Variants in ANKS1B observed in about 807,000 individuals in gnomAD.
The protein encoded by ANKS1B is ankyrin repeat and sterile alpha motif domain-containing protein 1B.
Under a neutral mutation model 148.3 loss-of-function variants are expected in ANKS1B, and 36 were observed. That is an observed-to-expected ratio of 0.24 (90% CI 0.19 to 0.32). The LOEUF is 0.32. Among genes scored for constraint, ANKS1B ranks in the 10% least tolerant of loss-of-function variants. ANKS1B has a pLI of 1.00. For synonymous variants in ANKS1B, 542 were observed against 560.8 expected (o/e 0.97, Z 0.47); for missense variants, 1,157 against 1,542.6 (o/e 0.75, Z 4.19).
intron 17 of ANKS1B, among the ~76,000 whole-genome samples, chr12:98,940,666 T>A (rs1027792822): frequency 6.6e-6 from 1 of 152,188 alleles, no homozygotes; most frequent in Non-Finnish European, 1.5e-5. Context: ...ATTTTTGTAT[T>A]CTTATGCAGG....
At position 99,382,715 on chromosome 12, in the gene ANKS1B, AAAAG is replaced by A. The variant is rs1178414411; in HGVS notation, c.1756+16912_1756+16915del. ...TCTGTATTAAAAAAAAAAAAAAAAAAAAAGAGAGAGAGAGAGAGAGCTTGCACAA... is the reference window on the plus strand; with the variant it reads ...TCTGTATTAAAAAAAAAAAAAAAAAAAGAGAGAGAGAGAGAGCTTGCACAA... On this transcript the variant is annotated intron_variant, in intron 12 of 26. Transcript: ENST00000683438. Among the ~76,000 whole-genome samples, 392 of 97,508 alleles carry A rather than the reference AAAAG, an allele frequency of 4.0e-3. 18 individuals are homozygous for A. The East Asian group carries it at 0.078, about 19-fold the overall frequency. The allele number at this position is 97,508 out of a possible 152,430, so 64.0% of individuals were successfully genotyped here.
chr12:99,431,503 T>A (rs563486793), intron 11 of ANKS1B, among the ~76,000 whole-genome samples: 63 of 152,354 alleles, frequency 4.1e-4, no homozygotes, highest in Admixed American at 3.6e-3. Context: ...GCATCACTAG[T>A]TGTGAAATAT....
intron 17 of ANKS1B, among the ~76,000 whole-genome samples, chr12:98,956,185 T>C (rs979761789): frequency 6.6e-6 from 1 of 152,172 alleles, no homozygotes; most frequent in Non-Finnish European, 1.5e-5. Context: ...GCAGTCACAC[T>C]TCATTCCTTC....
chr12:99,613,339 AATCCCATTG>A (rs2097918076), intron 9 of ANKS1B, among the ~76,000 whole-genome samples: 1 of 152,114 alleles, frequency 6.6e-6, no homozygotes, highest in Non-Finnish European at 1.5e-5. Context: ...TCAACCCAGC[AATCCCATTG>A]CTGGGTATAT....
At chr12:98,998,290 G>A (rs1410033568) in intron 17 of ANKS1B, among the ~76,000 whole-genome samples, 1 of 152,186 alleles carries the variant, frequency 6.6e-6, no homozygotes, top group Non-Finnish European at 1.5e-5. Context: ...TTTGGAGCCA[G>A]GGTGACTTAA....
At chr12:99,846,449 C>A (rs1355028033) in intron 1 of ANKS1B, among the ~76,000 whole-genome samples, 2 of 152,078 alleles carry the variant, frequency 1.3e-5, no homozygotes, top group Admixed American at 1.3e-4. Context: ...CCATCTTTAA[C>A]AAAACATAAC....
chr12:99,762,361 C>T (rs573567086), intron 8 of ANKS1B, among the ~76,000 whole-genome samples: 13 of 151,562 alleles, frequency 8.6e-5, no homozygotes, highest in African/African-American at 2.9e-4. Context: ...AACAAAGGAA[C>T]AGAATAGAGA....
chr12:99,002,937 T>C (rs188144150), intron 17 of ANKS1B, among the ~76,000 whole-genome samples: 8 of 152,344 alleles, frequency 5.3e-5, no homozygotes, highest in Non-Finnish European at 1.2e-4. Flanking sequence ...TTTTCCCTTA[T>C]GCTTTCTCCC....
intron 9 of ANKS1B, among the ~76,000 whole-genome samples, chr12:99,564,128 T>A (rs769283599): frequency 6.6e-6 from 1 of 152,182 alleles, no homozygotes; most frequent in Non-Finnish European, 1.5e-5. Flanking sequence ...AACTTCTATG[T>A]ACATTGAATG....
intron 4 of ANKS1B, among the ~76,000 whole-genome samples, chr12:99,783,584 T>C (rs966034372): frequency 1.3e-5 from 2 of 152,146 alleles, no homozygotes; most frequent in African/African-American, 4.8e-5. Context: ...CACAGCAACA[T>C]GGATGAGCCT....
rs774469792 is a variant in ANKS1B at position 99,504,619 on chromosome 12, T to C, written c.1295A>G (p.Asn432Ser). Residue 432 changes from asparagine (N) to serine (S), a missense_variant, in exon 10 of 27, where the codon AAT becomes AGT. Around this residue, in one of 6 missense-constraint regions of ANKS1B, gnomAD observed 661 missense variants for 642.1 expected, o/e 1.03. Coordinates refer to ENST00000683438, the MANE Select transcript of ANKS1B (RefSeq NM_001352186.2). ...AGATGGTACAATTTCCATAGTGTAA[T>C]TTCTCTTCTTTGGATAGGACTCCTG... ...LAQESYPKKR[N>S]YTMEIVPSAS... is the part of the protein sequence containing the mutation. 1.9e-5 allele frequency: 30 copies of C among 1,597,076 alleles called. No homozygotes were observed. Among genetic ancestry groups the C allele is most frequent in the Middle Eastern group, 3.3e-4 (2 of 6,016 alleles).
intron 9 of ANKS1B, among the ~76,000 whole-genome samples, chr12:98,736,504 A>G (rs2097773980): frequency 6.6e-6 from 1 of 152,198 alleles, no homozygotes; most frequent in African/African-American, 2.4e-5. Flanking sequence ...TTAACGAGAC[A>G]TCCAGGTGGG....
chr12:99,441,079 T>A (rs1172171500), intron 11 of ANKS1B, among the ~76,000 whole-genome samples: 1 of 151,902 alleles, frequency 6.6e-6, no homozygotes, highest in Non-Finnish European at 1.5e-5. Context: ...ATATTATTAA[T>A]TTTTAATAAA....
chr12:99,853,568 CA>C (rs1229064189), intron 1 of ANKS1B, among the ~76,000 whole-genome samples: 2 of 152,078 alleles, frequency 1.3e-5, no homozygotes, highest in African/African-American at 2.4e-5. Context: ...CCCTGTGGTA[CA>C]AAAAAATCTG....
chr12:99,196,806 A>G (rs1415769082), intron 14 of ANKS1B, among the ~76,000 whole-genome samples: 1 of 151,918 alleles, frequency 6.6e-6, no homozygotes, highest in Non-Finnish European at 1.5e-5. Context: ...TAGTGACCCA[A>G]TGAAAAGAAA....
chr12:99,365,189 G>A (rs982833622), intron 12 of ANKS1B, among the ~76,000 whole-genome samples: 2 of 152,096 alleles, frequency 1.3e-5, no homozygotes, highest in South Asian at 2.1e-4. Context: ...AGCTCCTGCC[G>A]CCCACAAGGG....
intron 5 of ANKS1B, 38 bp downstream of exon 5, chr12:99,781,982 ATC>A: frequency 6.7e-7 from 1 of 1,501,678 alleles, no homozygotes; most frequent in Non-Finnish European, 9.0e-7. Context: ...TAGAAATGTT[ATC>A]TGTCAGGATA....
intron 17 of ANKS1B, among the ~76,000 whole-genome samples, chr12:99,025,822 G>A (rs1373880759): frequency 6.6e-6 from 1 of 152,200 alleles, no homozygotes; most frequent in Middle Eastern, 3.2e-3. Flanking sequence ...GAAATCCACT[G>A]GAAGCTGGAG....
intron 11 of ANKS1B, among the ~76,000 whole-genome samples, chr12:99,422,563 C>T (rs371429896): frequency 1.3e-5 from 2 of 152,018 alleles, no homozygotes. Flanking sequence ...AATGAAGTGT[C>T]CAAGTCAGAA....
Sources: gnomAD v4.1 joint callset for allele counts (sites outside exome capture counted in the v4.1 genomes callset) on GRCh38, gnomAD v4.1.1 for gene constraint, gnomAD v4.1.1 regional missense constraint, MANE v1.5 for transcripts, NCBI Gene and HGNC (gene_info 2026-07-23, HGNC 2026-07-21) for gene names.